WIPI2: variants seen among roughly 807,000 people sequenced by gnomAD.
The protein encoded by WIPI2 is WD repeat domain phosphoinositide-interacting protein 2.
Under a neutral mutation model 52.3 loss-of-function variants are expected in WIPI2, and 28 were observed. The ratio of observed to expected loss-of-function variants is 0.54; its 90% confidence interval spans 0.40 to 0.73. The LOEUF is 0.73. WIPI2 is among the 30% of genes least tolerant of loss of function. WIPI2 has a pLI of 0.00. For synonymous variants in WIPI2, 268 were observed against 245.0 expected (o/e 1.09, Z -0.88); for missense variants, 506 against 602.9 (o/e 0.84, Z 1.68).
At position 5,205,843 on chromosome 7, in the gene WIPI2, CTT is replaced by C. The variant is rs566248631; in HGVS notation, c.211+6196_211+6197del. 2.8e-5 allele frequency among the ~76,000 whole-genome samples: 4 copies of C among 140,534 alleles called. No individual in the cohort carries two copies. In the South Asian group the frequency reaches 6.8e-4, roughly 24 times the overall value. The allele number at this position is 140,534 out of a possible 152,430, so 92.2% of individuals were successfully genotyped here. Reference sequence around the variant, plus strand: ...TTCTTACATCAACTCAAACTGAGTTCTTTTTTTTTTTTCCCCCATGCAGTCAT... The same window carrying C: ...TTCTTACATCAACTCAAACTGAGTTCTTTTTTTTTTCCCCCATGCAGTCAT... On this transcript the variant is annotated intron_variant, in intron 3 of 12. Coordinates refer to ENST00000288828, the MANE Select transcript of WIPI2 (RefSeq NM_015610.4).
chr7:5,228,098 C>A lies in WIPI2; in HGVS notation c.1014-6C>A. 2.5e-6 allele frequency: 4 copies of A among 1,613,542 alleles called. No individual in the cohort carries two copies. Among genetic ancestry groups the A allele is most frequent in the Non-Finnish European group, 3.4e-6 (4 of 1,179,714 alleles). ...CTAGAATTTGGCTGCTCTTTATTCTCCCTAGAATTCAGAAGATCCCGCGGT... is the reference window on the plus strand; with the variant it reads ...CTAGAATTTGGCTGCTCTTTATTCTACCTAGAATTCAGAAGATCCCGCGGT... On this transcript the variant is annotated splice_region_variant and splice_polypyrimidine_tract_variant and intron_variant, in intron 10 of 12. Coordinates refer to ENST00000288828, the MANE Select transcript of WIPI2 (RefSeq NM_015610.4).
At position 5,229,665 on chromosome 7, in the gene WIPI2, C is replaced by T. The variant is rs1237934331; in HGVS notation, c.1179C>T (p.Cys393=). The part of the protein sequence containing the change: ...NEILDSASHD[C]PLVTQTYGAA... The stretch of plus-strand genomic sequence containing the variant: ...TCTTGGACTCTGCCTCTCACGACTG[C>T]CCCTTAGTCACTCAGACATACGGCG... The change falls in exon 12 of 13, where the codon TGC becomes TGT. Residue 393 remains cysteine (C), a synonymous_variant. Transcript: ENST00000288828. 1.9e-6 allele frequency: 3 copies of T among 1,614,028 alleles called. No homozygotes were observed. The South Asian group carries it at 3.3e-5, about 18-fold the overall frequency.
chr7:5,221,080 C>T (rs1235610827), intron 7 of WIPI2, among the ~76,000 whole-genome samples: 4 of 151,468 alleles, frequency 2.6e-5, no homozygotes, highest in Non-Finnish European at 5.9e-5. Context: ...TCTCCTGCCT[C>T]AGCCTCCTGA....
At position 5,230,773 on chromosome 7, in the gene WIPI2, G is replaced by T. The variant is rs995566298; in HGVS notation, c.1253-62G>T. On this transcript the variant is annotated intron_variant, in intron 12 of 12. Coordinates refer to ENST00000288828, the MANE Select transcript of WIPI2 (RefSeq NM_015610.4). The surrounding 1 kb of genome is among the most constrained non-coding windows in gnomAD (Gnocchi z 4.8). Reference sequence around the variant, plus strand: ...GTTTCCAAAACACAGTCCTCAGTGTGTGTCATGGGGTCTGTGGTGTGTCCC... The same window carrying T: ...GTTTCCAAAACACAGTCCTCAGTGTTTGTCATGGGGTCTGTGGTGTGTCCC... 4.0e-6 allele frequency: 5 copies of T among 1,258,588 alleles called. No individual in the cohort carries two copies. In the Admixed American group the frequency reaches 8.6e-5, roughly 22 times the overall value. 78.0% of individuals were successfully genotyped at this position (1,258,588 alleles called of 1,614,324 possible). A position where few individuals can be genotyped will look rare whatever the true frequency, so the allele number is the denominator to read the frequency against.
intron 7 of WIPI2, among the ~76,000 whole-genome samples, chr7:5,221,703 C>A (rs1423401960): frequency 6.6e-6 from 1 of 152,184 alleles, no homozygotes; most frequent in East Asian, 1.9e-4. Context: ...AAGACACTTC[C>A]CATTAAAGCA....
In WIPI2 at chr7:5,232,418, C is replaced by T. The variant is rs1783769044; in HGVS notation, c.*1471C>T. 5 of 397,942 alleles carry T rather than the reference C, an allele frequency of 1.3e-5. No homozygotes were observed. Among genetic ancestry groups the T allele is most frequent in the South Asian group, 1.4e-4 (1 of 7,264 alleles). 24.7% of individuals were successfully genotyped at this position (397,942 alleles called of 1,614,324 possible). A position where few individuals can be genotyped will look rare whatever the true frequency, so the allele number is the denominator to read the frequency against. On this transcript the variant is annotated 3_prime_UTR_variant, in exon 13 of 13. Transcript: ENST00000288828. ...ACGCTGGAGTCCGACTCACCTACAC[C>T]GGCTTCCTCCCAGCCGCTGGTGTGC... is the stretch of plus-strand genomic sequence containing the variant.
At chr7:5,224,575 A>T (rs1783329200) in intron 8 of WIPI2, among the ~76,000 whole-genome samples, 1 of 152,142 alleles carries the variant, frequency 6.6e-6, no homozygotes, top group South Asian at 2.1e-4. Flanking sequence ...TTTAAGGATA[A>T]CTTGGGTGGG....
At chr7:5,218,175 G>A (rs536016702) in intron 7 of WIPI2, 161 bp downstream of exon 7, 158 of 654,216 alleles carry the variant, frequency 2.4e-4, no homozygotes, top group African/African-American at 2.4e-3. Flanking sequence ...TGTACTGCCC[G>A]AGAGTGAGCG....
At chr7:5,216,485 A>C (rs1169199735) in intron 4 of WIPI2, 78 bp from the exon 5 acceptor site, 1 of 1,100,950 alleles carries the variant, frequency 9.1e-7, no homozygotes, top group Non-Finnish European at 1.4e-6. Flanking sequence ...ATAGTCCAGG[A>C]GTCAGTCAAC....
intron 1 of WIPI2, 39 bp downstream of exon 1, chr7:5,190,532 AG>A: frequency 1.4e-6 from 2 of 1,441,556 alleles, no homozygotes; most frequent in Non-Finnish European, 1.8e-6. Flanking sequence ...GGGTGAGGCC[AG>A]GGTCGGACCC....
intron 2 of WIPI2, among the ~76,000 whole-genome samples, chr7:5,195,589 TA>T (rs1486897929): frequency 6.6e-6 from 1 of 152,244 alleles, no homozygotes; most frequent in African/African-American, 2.4e-5. Context: ...ATCTCCTACT[TA>T]CCTGTTGCTC....
chr7:5,205,083 C>T (rs1251905484), intron 3 of WIPI2, among the ~76,000 whole-genome samples: 1 of 152,098 alleles, frequency 6.6e-6, no homozygotes, highest in African/African-American at 2.4e-5. Flanking sequence ...TCAAGCAATT[C>T]TCCTGCCTCA....
intron 4 of WIPI2, among the ~76,000 whole-genome samples, chr7:5,215,013 TAAAAA>T (rs929383414): frequency 1.3e-5 from 2 of 152,002 alleles, no homozygotes; most frequent in Non-Finnish European, 2.9e-5. Flanking sequence ...AAATGTTACT[TAAAAA>T]AAATATATTT....
chr7:5,221,774 GCATCTTAC>G (rs528558340), intron 7 of WIPI2, among the ~76,000 whole-genome samples: 74 of 152,182 alleles, frequency 4.9e-4, no homozygotes, highest in Middle Eastern at 3.4e-3. Context: ...TTCTTCATGT[GCATCTTAC>G]CATTTGGTGA....
At position 5,205,565 on chromosome 7, in the gene WIPI2, AGGAGGT is replaced by A. The variant is rs548875605; in HGVS notation, c.211+5910_211+5915del. On this transcript the variant is annotated intron_variant, in intron 3 of 12. Coordinates refer to ENST00000288828, the MANE Select transcript of WIPI2 (RefSeq NM_015610.4). ...CTGCTGCTGCCCATGTCCCCACAGG[AGGAGGT>A]GGCTCACTGTGCAACCTCCACCTCC... 3.4e-4 allele frequency among the ~76,000 whole-genome samples: 51 copies of A among 152,180 alleles called. 1 individual carries two copies. The South Asian group carries it at 8.9e-3, about 27-fold the overall frequency.
intron 11 of WIPI2, chr7:5,229,314 C>A: frequency 3.9e-6 from 1 of 258,806 alleles, no homozygotes; most frequent in Non-Finnish European, 7.5e-6. Flanking sequence ...TGCACCCGGG[C>A]TAGCCTGACT....
At chr7:5,198,964 A>G (rs4518565) in intron 2 of WIPI2, among the ~76,000 whole-genome samples, 32,535 of 152,188 alleles carry the variant, frequency 0.21, 4,210 homozygotes, top group Admixed American at 0.41. Context: ...TCAAGCACAC[A>G]ATACCTTATT....
At chr7:5,191,479 A>C (rs1434088015) in intron 1 of WIPI2, among the ~76,000 whole-genome samples, 1 of 152,202 alleles carries the variant, frequency 6.6e-6, no homozygotes, top group African/African-American at 2.4e-5. Context: ...CGGGTGGGTC[A>C]TCCTCAGGGC....
chr7:5,232,650 C>T lies in WIPI2; in HGVS notation c.*1703C>T, dbSNP rs961338632. 5.2e-5 allele frequency: 12 copies of T among 232,164 alleles called. No homozygotes were observed. Among genetic ancestry groups the T allele is most frequent in the South Asian group, 3.6e-4 (2 of 5,524 alleles). 14.4% of individuals were successfully genotyped at this position (232,164 alleles called of 1,614,324 possible). A position where few individuals can be genotyped will look rare whatever the true frequency, so the allele number is the denominator to read the frequency against. ...AGCACGCAGCCTTGACCCACGCCTG[C>T]GTCTTGTGGTGCAAGGCCAGAGGGC... On this transcript the variant is annotated 3_prime_UTR_variant, in exon 13 of 13. Transcript: ENST00000288828.
Sources: allele counts gnomAD v4.1 joint callset (sites outside exome capture counted in the v4.1 genomes callset), GRCh38; gene constraint gnomAD v4.1.1; non-coding constraint Gnocchi (gnomAD v3.1); transcripts MANE v1.5; gene names NCBI Gene and HGNC (gene_info 2026-07-23, HGNC 2026-07-21).